EZH2: variants seen among roughly 807,000 people sequenced by gnomAD.
The protein encoded by EZH2 is enhancer of zeste 2 polycomb repressive complex 2 subunit, also known as histone-lysine N-methyltransferase EZH2.
Under a neutral mutation model 98.4 loss-of-function variants are expected in EZH2, and 18 were observed. The observed-to-expected ratio is 0.18, with a 90% CI of 0.13 to 0.27. EZH2 has a LOEUF of 0.27. Among genes scored for constraint, EZH2 ranks in the 10% least tolerant of loss-of-function variants. EZH2 has a pLI of 1.00. For synonymous variants in EZH2, 338 were observed against 312.3 expected (o/e 1.08, Z -0.87); for missense variants, 470 against 935.1 (o/e 0.50, Z 6.49).
rs747009766 is a variant in EZH2 at position 148,815,031 on chromosome 7, A to G, written c.1555T>C (p.Ser519Pro). The G allele has an allele frequency of 2.7e-5, 44 of 1,613,790 alleles. No individual in the cohort carries two copies. Among genetic ancestry groups the G allele is most frequent in the Non-Finnish European group, 3.5e-5 (41 of 1,179,904 alleles). ...RKIQLKKDGS[S>P]NHVYNYQPCD... ...GGTTGATAGTTGTAAACATGGTTAG[A>G]GGAGCCGTCTGAGTAAAGATAACAT... Residue 519 changes from serine to proline, a missense_variant, in exon 14 of 20, where the codon TCT (serine) becomes CCT (proline). Around this residue, in one of 6 missense-constraint regions of EZH2, gnomAD observed 106 missense variants for 327.2 expected, o/e 0.32. Coordinates refer to ENST00000320356, the MANE Select transcript of EZH2 (RefSeq NM_004456.5).
intron 3 of EZH2, among the ~76,000 whole-genome samples, chr7:148,846,108 T>TACC (rs574758637): frequency 7.9e-5 from 12 of 152,332 alleles, no homozygotes; most frequent in African/African-American, 2.9e-4. Flanking sequence ...AAACATTTCT[T>TACC]ACCACATGGC....
At chr7:148,843,173 A>G (rs1812924163) in intron 3 of EZH2, among the ~76,000 whole-genome samples, 2 of 145,884 alleles carry the variant, frequency 1.4e-5, no homozygotes, top group Non-Finnish European at 3.0e-5. Context: ...GCACCATTGC[A>G]CTCCAGCCTG....
intron 12 of EZH2, 97 bp from the exon 13 acceptor site, chr7:148,815,643 G>T: frequency 9.0e-7 from 1 of 1,108,698 alleles, no homozygotes; most frequent in Non-Finnish European, 1.4e-6. Flanking sequence ...CATGAATACA[G>T]GAATGCGTTA....
chr7:148,818,679 A>C (rs1236024020), intron 9 of EZH2, among the ~76,000 whole-genome samples: 3 of 152,072 alleles, frequency 2.0e-5, no homozygotes, highest in Admixed American at 1.3e-4. Context: ...CCTGTGAAGG[A>C]TACACAGCCA....
chr7:148,868,102 T>TGTTCTGAGCCCTCCAAACTGTACC (rs1363472408), intron 1 of EZH2, among the ~76,000 whole-genome samples: 13 of 152,212 alleles, frequency 8.5e-5, no homozygotes, highest in Non-Finnish European at 2.9e-5. Context: ...CTTCCTGTCT[T>TGTTCTGAGCCCTCCAAACTGTACC]GTTCTGAGCC....
chr7:148,876,719 T>TA (rs1165865061), intron 1 of EZH2, among the ~76,000 whole-genome samples: 1 of 152,228 alleles, frequency 6.6e-6, no homozygotes, highest in Non-Finnish European at 1.5e-5. Context: ...CTGGATGGCT[T>TA]AGAGCAAGGG....
At chr7:148,850,370 A>C in intron 1 of EZH2, 1 of 409,770 alleles carries the variant, frequency 2.4e-6, no homozygotes, top group Non-Finnish European at 3.3e-6. Flanking sequence ...GACATTAGTT[A>C]GCATTTTATG....
chr7:148,878,146 T>C (rs1820437353), intron 1 of EZH2, among the ~76,000 whole-genome samples: 1 of 152,248 alleles, frequency 6.6e-6, no homozygotes, highest in Non-Finnish European at 1.5e-5. Flanking sequence ...TTAACCATTT[T>C]TAAGTGTACA....
intron 1 of EZH2, among the ~76,000 whole-genome samples, chr7:148,882,401 A>G (rs1821134853): frequency 6.6e-6 from 1 of 152,154 alleles, no homozygotes; most frequent in Non-Finnish European, 1.5e-5. Context: ...GGAAACCTTA[A>G]ATATTACATC....
chr7:148,845,365 G>A (rs1813725256), intron 3 of EZH2, among the ~76,000 whole-genome samples: 1 of 152,188 alleles, frequency 6.6e-6, no homozygotes. Flanking sequence ...TGTACCAGAT[G>A]AGGAGGAAAG....
intron 3 of EZH2, among the ~76,000 whole-genome samples, chr7:148,844,691 A>G (rs1459593852): frequency 6.6e-6 from 1 of 152,218 alleles, no homozygotes; most frequent in Non-Finnish European, 1.5e-5. Context: ...ACATAAACTC[A>G]CGAACATTAG....
chr7:148,841,571 T>C (rs1812451226), intron 3 of EZH2, among the ~76,000 whole-genome samples: 1 of 152,124 alleles, frequency 6.6e-6, no homozygotes, highest in African/African-American at 2.4e-5. Flanking sequence ...CCATATTTGC[T>C]CAAAAGGTTC....
intron 1 of EZH2, among the ~76,000 whole-genome samples, chr7:148,855,408 G>A (rs916368541): frequency 6.6e-6 from 1 of 152,210 alleles, no homozygotes; most frequent in African/African-American, 2.4e-5. Flanking sequence ...CTCATTCCCT[G>A]GGTTCAGATC....
chr7:148,847,033 A>C, intron 2 of EZH2, 149 bp downstream of exon 2: 3 of 912,954 alleles, frequency 3.3e-6, no homozygotes. Flanking sequence ...GTTAAGACAG[A>C]TCAAGAACCT....
chr7:148,819,160 A>T (rs1380227223), intron 9 of EZH2: 9 of 195,062 alleles, frequency 4.6e-5, no homozygotes, highest in Non-Finnish European at 7.6e-5. Context: ...TCCATCATTT[A>T]AAAAAAAAAA....
In EZH2 at chr7:148,853,797, TC is replaced by T. The variant is rs552054520; in HGVS notation, c.-7-6493del. Among the ~76,000 whole-genome samples the T allele has an allele frequency of 1.2e-3, 187 of 152,330 alleles. 1 individual carries two copies. The highest frequency in any genetic ancestry group is 4.3e-3 in the African/African-American group (179 of 41,558). ...GTTGGCTGAATCTACAAATGTAGAA[TC>T]CCATTTACAGAGGGCCAACTGTATA... is the stretch of plus-strand genomic sequence containing the variant. On this transcript the variant is annotated intron_variant, in intron 1 of 19. Coordinates refer to ENST00000320356, the MANE Select transcript of EZH2 (RefSeq NM_004456.5).
At chr7:148,817,654 T>G (rs111350217) in intron 10 of EZH2, 2 of 676,740 alleles carry the variant, frequency 3.0e-6, no homozygotes, top group Non-Finnish European at 4.9e-6. Flanking sequence ...GAGAATAAAG[T>G]GCATCATCAG....
intron 3 of EZH2, among the ~76,000 whole-genome samples, chr7:148,838,131 CA>C (rs145751823): frequency 5.9e-5 from 8 of 134,574 alleles, no homozygotes; most frequent in Non-Finnish European, 1.2e-4. Flanking sequence ...TGCAGTGGTG[CA>C]ATCATGGCTC....
intron 2 of EZH2, 93 bp downstream of exon 2, chr7:148,847,089 T>G: frequency 7.0e-7 from 1 of 1,436,682 alleles, no homozygotes; most frequent in East Asian, 2.3e-5. Flanking sequence ...CAAACTTGGC[T>G]AGAATTATTT....
Sources: allele counts gnomAD v4.1 joint callset (sites outside exome capture counted in the v4.1 genomes callset), GRCh38; gene constraint gnomAD v4.1.1; regional missense constraint gnomAD v4.1.1; transcripts MANE v1.5; gene names NCBI Gene and HGNC (gene_info 2026-07-23, HGNC 2026-07-21).